CSMD1: variants seen among roughly 807,000 people sequenced by gnomAD.
CSMD1 encodes the protein CUB and Sushi multiple domains 1.
CSMD1 carries 213 observed loss-of-function variants against 417.5 expected under a neutral mutation model. The ratio of observed to expected loss-of-function variants is 0.51; its 90% CI spans 0.46 to 0.57. The LOEUF (loss-of-function observed/expected upper bound fraction) is 0.57, where lower values mean the gene tolerates loss of function less well. Among genes scored for constraint, CSMD1 ranks in the 20% least tolerant of loss-of-function variants. The pLI, the probability that CSMD1 is intolerant of heterozygous loss-of-function variation, is 0.00. For missense variants in CSMD1, 6,923 were observed against 4,529.7 expected (o/e 1.53, Z -15.17); for synonymous variants, 2,862 against 1,736.8 (o/e 1.65, Z -16.11).
intron 3 of CSMD1, among the ~76,000 whole-genome samples, chr8:4,231,994 G>A (rs1319221072): frequency 2.6e-5 from 4 of 152,094 alleles, no homozygotes; most frequent in African/African-American, 7.2e-5. Flanking sequence ...ATTTTGTAAA[G>A]CAAAGCCATC....
intron 3 of CSMD1, among the ~76,000 whole-genome samples, chr8:4,362,284 T>C (rs1374894652): frequency 6.6e-6 from 1 of 152,152 alleles, no homozygotes; most frequent in Non-Finnish European, 1.5e-5. Flanking sequence ...AGCAGTGGAC[T>C]CCTCCTCCTT....
intron 12 of CSMD1, among the ~76,000 whole-genome samples, chr8:3,444,374 C>T (rs1339031720): frequency 6.6e-6 from 1 of 152,176 alleles, no homozygotes; most frequent in Non-Finnish European, 1.5e-5. Context: ...AAAGATAATA[C>T]ATTCCATAGA....
intron 22 of CSMD1, among the ~76,000 whole-genome samples, chr8:3,343,673 C>T (rs562102307): frequency 1.3e-5 from 2 of 152,234 alleles, no homozygotes; most frequent in East Asian, 3.9e-4. Flanking sequence ...CATTCTTGTT[C>T]AGATCATTTT....
chr8:4,004,954 C>T (rs896089550), intron 4 of CSMD1, among the ~76,000 whole-genome samples: 1 of 152,110 alleles, frequency 6.6e-6, no homozygotes, highest in Non-Finnish European at 1.5e-5. Context: ...CCGTGTTAGC[C>T]AGGATGGTCT....
chr8:3,419,847 G>A (rs576859879), intron 12 of CSMD1, among the ~76,000 whole-genome samples: 31 of 152,278 alleles, frequency 2.0e-4, no homozygotes, highest in African/African-American at 7.2e-4. Context: ...CAGTCTGGAA[G>A]CAGGATAGCA....
chr8:3,989,630 A>G (rs1355550034), intron 5 of CSMD1, among the ~76,000 whole-genome samples: 1 of 152,240 alleles, frequency 6.6e-6, no homozygotes, highest in Non-Finnish European at 1.5e-5. Flanking sequence ...TATAATTCAA[A>G]AAAAATTAAA....
chr8:4,356,676 C>G (rs1801450424), intron 3 of CSMD1, among the ~76,000 whole-genome samples: 1 of 152,052 alleles, frequency 6.6e-6, no homozygotes, highest in Non-Finnish European at 1.5e-5. Context: ...TTAGTGAGGG[C>G]TTCTTTCCAT....
intron 1 of CSMD1, among the ~76,000 whole-genome samples, chr8:4,779,338 C>T (rs1563362919): frequency 6.6e-6 from 1 of 152,134 alleles, no homozygotes; most frequent in Non-Finnish European, 1.5e-5. Flanking sequence ...GGGAAACTAA[C>T]TCGAACTGGC....
At chr8:3,086,452 C>G (rs1814541063) in intron 49 of CSMD1, among the ~76,000 whole-genome samples, 1 of 152,018 alleles carries the variant, frequency 6.6e-6, no homozygotes, top group Non-Finnish European at 1.5e-5. Context: ...AAAAGAGAGC[C>G]TATATGAGCT....
At chr8:4,308,400 C>A (rs912567872) in intron 3 of CSMD1, among the ~76,000 whole-genome samples, 1 of 150,356 alleles carries the variant, frequency 6.7e-6, no homozygotes, top group African/African-American at 2.5e-5. Flanking sequence ...TGTATTCGTG[C>A]ATGTGTGTGT....
intron 1 of CSMD1, among the ~76,000 whole-genome samples, chr8:4,706,424 C>T (rs1260637784): frequency 3.3e-5 from 5 of 152,140 alleles, no homozygotes; most frequent in Non-Finnish European, 7.4e-5. Flanking sequence ...TATAGCATAA[C>T]AGATGATATG....
intron 3 of CSMD1, among the ~76,000 whole-genome samples, chr8:4,128,798 T>C (rs1040788642): frequency 6.6e-6 from 1 of 152,142 alleles, no homozygotes; most frequent in African/African-American, 2.4e-5. Flanking sequence ...TGGATACTTA[T>C]ATCCTAGTGC....
intron 1 of CSMD1, among the ~76,000 whole-genome samples, chr8:4,860,061 C>A (rs1185334578): frequency 2.6e-5 from 4 of 151,894 alleles, no homozygotes; most frequent in African/African-American, 9.7e-5. Flanking sequence ...ACGTATACAC[C>A]ATGGAATACT....
At chr8:4,811,400 A>T (rs1798897605) in intron 1 of CSMD1, among the ~76,000 whole-genome samples, 1 of 152,112 alleles carries the variant, frequency 6.6e-6, no homozygotes, top group Non-Finnish European at 1.5e-5. Flanking sequence ...TTTTTTAAGT[A>T]ATGTATTATG....
intron 9 of CSMD1, among the ~76,000 whole-genome samples, chr8:3,578,612 T>A (rs570232843): frequency 6.6e-6 from 1 of 152,202 alleles, no homozygotes; most frequent in East Asian, 1.9e-4. Flanking sequence ...CTCAGAAACA[T>A]AGACGTATGA....
chr8:3,815,382 A>G (rs1383606963), intron 5 of CSMD1, among the ~76,000 whole-genome samples: 1 of 152,212 alleles, frequency 6.6e-6, no homozygotes, highest in Non-Finnish European at 1.5e-5. Context: ...AAACTTACAG[A>G]TGAAATTAAA....
intron 3 of CSMD1, among the ~76,000 whole-genome samples, chr8:4,191,282 G>C (rs192271712): frequency 0.028 from 4,240 of 152,120 alleles, 214 homozygotes; most frequent in African/African-American, 0.096. Context: ...TGTAGTCCCA[G>C]CTACTCGGGA....
intron 5 of CSMD1, among the ~76,000 whole-genome samples, chr8:3,945,841 TATTG>T (rs1439921925): frequency 6.6e-6 from 1 of 152,104 alleles, no homozygotes; most frequent in Non-Finnish European, 1.5e-5. Flanking sequence ...AAAAGGTAAA[TATTG>T]ATTGTAGTGA....
chr8:4,971,673 T>C (rs142387276), intron 1 of CSMD1, among the ~76,000 whole-genome samples: 20 of 134,996 alleles, frequency 1.5e-4, no homozygotes, highest in Middle Eastern at 4.0e-3. Flanking sequence ...CACATATGAC[T>C]GAGAACTATT....
Sources: allele counts gnomAD v4.1 joint callset (sites outside exome capture counted in the v4.1 genomes callset), GRCh38; gene constraint gnomAD v4.1.1; transcripts MANE v1.5; gene names NCBI Gene and HGNC (gene_info 2026-07-23, HGNC 2026-07-21).